Variants in GRM7 observed in about 807,000 individuals in gnomAD.
GRM7 encodes the protein metabotropic glutamate receptor 7.
In GRM7, 35 loss-of-function variants were observed where a neutral mutation model predicts 84.5. The observed-to-expected ratio is 0.41, with a 90% confidence interval of 0.32 to 0.55. The LOEUF is 0.55. Ranked by LOEUF, GRM7 falls within the 20% of genes least tolerant of loss-of-function variation. The probability of loss-of-function intolerance (pLI) is 0.19; values close to 1 mark genes in which losing one functional copy is unlikely to be tolerated. For missense variants in GRM7, 1,003 were observed against 1,194.6 expected (o/e 0.84, Z 2.36); for synonymous variants, 487 against 455.1 (o/e 1.07, Z -0.89).
At chr3:7,247,917 A>G (rs982147448) in intron 2 of GRM7, among the ~76,000 whole-genome samples, 1 of 152,186 alleles carries the variant, frequency 6.6e-6, no homozygotes, top group Non-Finnish European at 1.5e-5. Context: ...ACTCACTAGA[A>G]TGGCTACAAC....
chr3:6,937,897 A>T (rs1242626909), intron 1 of GRM7, among the ~76,000 whole-genome samples: 2 of 152,246 alleles, frequency 1.3e-5, no homozygotes, highest in East Asian at 3.8e-4. Context: ...TGTAGACTAC[A>T]TGCCTCTTGT....
intron 8 of GRM7, among the ~76,000 whole-genome samples, chr3:7,675,841 T>C (rs1411745610): frequency 6.6e-6 from 1 of 152,186 alleles, no homozygotes; most frequent in Non-Finnish European, 1.5e-5. Flanking sequence ...ATTTCCTGGG[T>C]ACTTATTTTC....
chr3:7,060,244 T>C (rs1559412709), intron 1 of GRM7, among the ~76,000 whole-genome samples: 1 of 151,810 alleles, frequency 6.6e-6, no homozygotes, highest in Non-Finnish European at 1.5e-5. Flanking sequence ...GGAGCCCAGA[T>C]CCTACCGATC....
intron 1 of GRM7, among the ~76,000 whole-genome samples, chr3:7,130,215 C>T (rs568987729): frequency 6.6e-6 from 1 of 152,236 alleles, no homozygotes; most frequent in East Asian, 1.9e-4. Flanking sequence ...GAACACAATT[C>T]CCAAGTCCAG....
In GRM7 at chr3:7,380,626, AAGG is replaced by A. The variant is rs1322406338; in HGVS notation, c.1034-34393_1034-34391del. On this transcript the variant is annotated intron_variant, in intron 4 of 9. Coordinates refer to ENST00000357716, the MANE Select transcript of GRM7 (RefSeq NM_000844.4). ...CAGAAACTGAAGCAAGGTGAGCAAGAAGGAGGTGATGAGGGCTCCAGGCCCTCC... is the reference window on the plus strand; with the variant it reads ...CAGAAACTGAAGCAAGGTGAGCAAGAAGGTGATGAGGGCTCCAGGCCCTCC... 3.3e-5 allele frequency among the ~76,000 whole-genome samples: 5 copies of A among 152,218 alleles called. 1 individual carries two copies. In the South Asian group the frequency reaches 6.2e-4, roughly 19 times the overall value.
At chr3:7,275,603 T>G (rs1699022943) in intron 2 of GRM7, among the ~76,000 whole-genome samples, 1 of 152,152 alleles carries the variant, frequency 6.6e-6, no homozygotes, top group Non-Finnish European at 1.5e-5. Flanking sequence ...GAGCTGGCGG[T>G]AGTTGGGGAT....
At chr3:7,695,145 A>G (rs563618828) in intron 9 of GRM7, among the ~76,000 whole-genome samples, 1 of 152,216 alleles carries the variant, frequency 6.6e-6, no homozygotes, top group Non-Finnish European at 1.5e-5. Flanking sequence ...TCTGTAGGCT[A>G]GCACTGTGAG....
At chr3:7,025,666 A>AT (rs1695955980) in intron 1 of GRM7, among the ~76,000 whole-genome samples, 1 of 152,020 alleles carries the variant, frequency 6.6e-6, no homozygotes, top group Non-Finnish European at 1.5e-5. Context: ...CTTCCCTGGT[A>AT]TTTTCCGTTG....
intron 1 of GRM7, chr3:6,956,606 A>G: frequency 2.2e-6 from 1 of 456,604 alleles, no homozygotes; most frequent in South Asian, 1.5e-5. Flanking sequence ...CCCAATCCTA[A>G]ACGTCCTTCA....
chr3:7,686,538 C>A, intron 9 of GRM7: 1 of 642,868 alleles, frequency 1.6e-6, no homozygotes, highest in Non-Finnish European at 2.9e-6. Flanking sequence ...GCATGATTAC[C>A]TGAAAATATA....
In GRM7 at chr3:7,556,710, C is replaced by G. The variant is rs371191782; in HGVS notation, c.1516-21712C>G. ...TTCTCTCATGTACAGTATGAAACTG[C>G]ATCATTGACATCATTGACAATCATT... On this transcript the variant is annotated intron_variant, in intron 7 of 9. Transcript: ENST00000357716. 8.5e-5 allele frequency among the ~76,000 whole-genome samples: 13 copies of G among 152,240 alleles called. No individual in the cohort carries two copies. The South Asian group carries it at 1.7e-3, about 19-fold the overall frequency.
intron 7 of GRM7, among the ~76,000 whole-genome samples, chr3:7,520,922 G>A (rs1162045780): frequency 6.6e-6 from 1 of 152,104 alleles, no homozygotes; most frequent in African/African-American, 2.4e-5. Context: ...AAAGCTTGAG[G>A]ATTTCCTCTC....
chr3:7,632,477 A>G (rs1279140331), intron 8 of GRM7, among the ~76,000 whole-genome samples: 1 of 152,216 alleles, frequency 6.6e-6, no homozygotes, highest in African/African-American at 2.4e-5. Context: ...CTTAAATACC[A>G]TTATTTAAAA....
At position 6,862,127 on chromosome 3, in the gene GRM7, C is replaced by T. The variant is rs1559290876; in HGVS notation, c.519+220C>T. On this transcript the variant is annotated intron_variant, in intron 1 of 9. Transcript: ENST00000357716. The surrounding 1 kb of genome is among the most constrained non-coding windows in gnomAD (Gnocchi z 5.2). ...CCTGTCCACGCTCCACTCCATCCGG[C>T]TTGACATCTGGATTTATGGCCCCAT... 1.3e-5 allele frequency among the ~76,000 whole-genome samples: 2 copies of T among 152,062 alleles called. No homozygotes were observed. Among genetic ancestry groups the T allele is most frequent in the Admixed American group, 6.5e-5 (1 of 15,282 alleles).
chr3:7,022,484 G>C (rs537503651), intron 1 of GRM7, among the ~76,000 whole-genome samples: 42 of 151,594 alleles, frequency 2.8e-4, no homozygotes, highest in African/African-American at 1.0e-3. Flanking sequence ...CTATCTCATA[G>C]GGTGCAGAGG....
intron 1 of GRM7, among the ~76,000 whole-genome samples, chr3:7,081,059 C>G (rs569339130): frequency 6.6e-6 from 1 of 152,086 alleles, no homozygotes; most frequent in South Asian, 2.1e-4. Context: ...TAGCTTCTCC[C>G]CCCTTGTTGT....
intron 4 of GRM7, among the ~76,000 whole-genome samples, chr3:7,396,197 A>T (rs1695207087): frequency 6.6e-6 from 1 of 152,104 alleles, no homozygotes; most frequent in African/African-American, 2.4e-5. Context: ...AAAACAAAAA[A>T]TTTCCCAGTA....
At chr3:7,095,581 G>C (rs1220590020) in intron 1 of GRM7, among the ~76,000 whole-genome samples, 1 of 152,070 alleles carries the variant, frequency 6.6e-6, no homozygotes, top group Non-Finnish European at 1.5e-5. Flanking sequence ...TAAAAAATAA[G>C]TCAATGTTTT....
intron 7 of GRM7, among the ~76,000 whole-genome samples, chr3:7,572,943 T>G (rs902512166): frequency 1.4e-5 from 2 of 144,444 alleles, no homozygotes; most frequent in African/African-American, 5.1e-5. Context: ...GGTTGACTTT[T>G]ATAAGTTTTG....
Sources: gnomAD v4.1 joint callset for allele counts (sites outside exome capture counted in the v4.1 genomes callset) on GRCh38, gnomAD v4.1.1 for gene constraint, Gnocchi (gnomAD v3.1) non-coding constraint, MANE v1.5 for transcripts, NCBI Gene and HGNC (gene_info 2026-07-23, HGNC 2026-07-21) for gene names.